The following ZMIZ1 variants were observed in gnomAD, a reference collection of about 807,000 sequenced individuals.
The protein encoded by ZMIZ1 is zinc finger MIZ domain-containing protein 1.
In ZMIZ1, 17 loss-of-function variants were observed where a neutral mutation model predicts 113.9. The observed-to-expected ratio is 0.15, with a 90% CI of 0.10 to 0.22. The LOEUF (loss-of-function observed/expected upper bound fraction) is 0.22. Among genes scored for constraint, ZMIZ1 ranks in the 10% least tolerant of loss-of-function variants. The pLI, the probability that ZMIZ1 is intolerant of heterozygous loss-of-function variation, is 1.00. For missense variants in ZMIZ1, 1,059 were observed against 1,477.8 expected (o/e 0.72, Z 4.65); for synonymous variants, 607 against 603.1 (o/e 1.01, Z -0.09).
chr10:79,090,413 C>CTTG (rs1842950769), intron 1 of ZMIZ1, among the ~76,000 whole-genome samples: 1 of 152,160 alleles, frequency 6.6e-6, no homozygotes, highest in Admixed American at 6.5e-5. Context: ...AGGAGACATA[C>CTTG]TTGGAGGGAG....
At chr10:79,206,811 T>C (rs1246810790) in intron 5 of ZMIZ1, among the ~76,000 whole-genome samples, 27 of 152,210 alleles carry the variant, frequency 1.8e-4, no homozygotes, top group Admixed American at 1.8e-3. Flanking sequence ...TGGAGGGCTT[T>C]GTTGCTGCTT....
chr10:79,302,322 C>A, intron 18 of ZMIZ1, 110 bp downstream of exon 18: 1 of 1,103,174 alleles, frequency 9.1e-7, no homozygotes, highest in Non-Finnish European at 1.3e-6. Flanking sequence ...CCGTGCATGT[C>A]ACCACCGGGC....
At chr10:79,120,881 T>C (rs985363102) in intron 2 of ZMIZ1, among the ~76,000 whole-genome samples, 1 of 152,166 alleles carries the variant, frequency 6.6e-6, no homozygotes, top group Non-Finnish European at 1.5e-5. Context: ...GTCTGTGTCA[T>C]CCCTGCTCCC....
chr10:79,096,511 C>CA (rs570408831), intron 1 of ZMIZ1, among the ~76,000 whole-genome samples: 4 of 150,158 alleles, frequency 2.7e-5, no homozygotes, highest in Non-Finnish European at 4.5e-5. Flanking sequence ...GACTCCGTCT[C>CA]AAAAGAAAAG....
At chr10:79,293,299 T>C (rs560324063) in intron 11 of ZMIZ1, 82 bp from the exon 12 acceptor site, 3 of 972,888 alleles carry the variant, frequency 3.1e-6, no homozygotes, top group Admixed American at 5.2e-5. Context: ...TCCCCAACCC[T>C]TCCCTCCCTG....
intron 5 of ZMIZ1, 65 bp downstream of exon 5, chr10:79,201,757 T>C: frequency 1.3e-6 from 2 of 1,575,264 alleles, no homozygotes; most frequent in South Asian, 1.1e-5. Flanking sequence ...CAGCAGGGCA[T>C]CTGGTGGGTT....
At chr10:79,096,902 T>C (rs1843186645) in intron 1 of ZMIZ1, among the ~76,000 whole-genome samples, 1 of 148,824 alleles carries the variant, frequency 6.7e-6, no homozygotes, top group African/African-American at 2.5e-5. Flanking sequence ...CAGAGGTGAG[T>C]GTGGGGGCCT....
chr10:79,231,550 G>A (rs1336037995), intron 7 of ZMIZ1, among the ~76,000 whole-genome samples: 1 of 151,794 alleles, frequency 6.6e-6, no homozygotes, highest in Non-Finnish European at 1.5e-5. Context: ...AGCCTAGGAA[G>A]CCTGGTGGGG....
At chr10:79,247,622 A>AC (rs1023972320) in intron 7 of ZMIZ1, among the ~76,000 whole-genome samples, 7 of 151,752 alleles carry the variant, frequency 4.6e-5, no homozygotes, top group Admixed American at 2.0e-4. Context: ...AACTGCTCCC[A>AC]CCCCCCGTAG....
intron 4 of ZMIZ1, among the ~76,000 whole-genome samples, chr10:79,175,156 T>C (rs1273485140): frequency 6.6e-6 from 1 of 152,158 alleles, no homozygotes; most frequent in Admixed American, 6.5e-5. Flanking sequence ...AGCACCCAGA[T>C]AGGGAGGGAG....
chr10:79,187,057 G>C (rs1308953053), intron 4 of ZMIZ1, among the ~76,000 whole-genome samples: 1 of 152,238 alleles, frequency 6.6e-6, no homozygotes, highest in Non-Finnish European at 1.5e-5. Flanking sequence ...AGGTAGGTTG[G>C]TACTGTTTGT....
chr10:79,198,254 AAAAC>A (rs56333846), intron 4 of ZMIZ1, among the ~76,000 whole-genome samples: 12 of 152,134 alleles, frequency 7.9e-5, no homozygotes, highest in South Asian at 6.2e-4. Context: ...CTCTGTCTCA[AAAAC>A]AAACAAACAA....
At chr10:79,289,662 G>C (rs1020640364) in intron 8 of ZMIZ1, 113 bp from the exon 9 acceptor site, 1 of 937,646 alleles carries the variant, frequency 1.1e-6, no homozygotes. Context: ...ACTCGGATGG[G>C]GGTTACCTTG....
At chr10:79,240,178 G>A (rs1024427713) in intron 7 of ZMIZ1, among the ~76,000 whole-genome samples, 2 of 152,158 alleles carry the variant, frequency 1.3e-5, no homozygotes, top group African/African-American at 2.4e-5. Context: ...GCTGCAGCTC[G>A]CCCTTTCTTC....
chr10:79,273,724 A>G (rs1046943991), intron 7 of ZMIZ1, among the ~76,000 whole-genome samples: 4 of 152,222 alleles, frequency 2.6e-5, no homozygotes, highest in African/African-American at 9.6e-5. Context: ...GAAGGGGCCC[A>G]AAAAGTTTGC....
In ZMIZ1 at chr10:79,312,769, A is replaced by T; in HGVS notation, c.*20A>T. ...AACTGAGGGCCACCCGGTCGGGGCC[A>T]TCCCTCCACACTCTGCATCCTACCC... On this transcript the variant is annotated 3_prime_UTR_variant, in exon 25 of 25. Coordinates refer to ENST00000334512, the MANE Select transcript of ZMIZ1 (RefSeq NM_020338.4). The T allele has an allele frequency of 1.2e-6, 2 of 1,607,532 alleles. No homozygotes were observed. The highest frequency in any genetic ancestry group is 1.7e-6 in the Non-Finnish European group (2 of 1,174,006).
chr10:79,304,205 C>T (rs767219609), intron 19 of ZMIZ1, 30 bp downstream of exon 19: 2 of 1,601,610 alleles, frequency 1.2e-6, no homozygotes, highest in East Asian at 2.2e-5. Context: ...ACAGCTCTGG[C>T]AAGCCACCTA....
chr10:79,171,891 T>C (rs956724901), intron 4 of ZMIZ1, among the ~76,000 whole-genome samples: 10 of 152,146 alleles, frequency 6.6e-5, no homozygotes, highest in Admixed American at 5.9e-4. Flanking sequence ...AGCCATGCTA[T>C]TGAGGCAGCC....
intron 7 of ZMIZ1, among the ~76,000 whole-genome samples, chr10:79,259,273 C>T (rs994720054): frequency 3.3e-5 from 5 of 152,210 alleles, no homozygotes; most frequent in South Asian, 2.1e-4. Context: ...GTCTTAAAGC[C>T]TCTGGTTTTT....
Sources: gnomAD v4.1 joint callset for allele counts (sites outside exome capture counted in the v4.1 genomes callset) on GRCh38, gnomAD v4.1.1 for gene constraint, MANE v1.5 for transcripts, NCBI Gene and HGNC (gene_info 2026-07-23, HGNC 2026-07-21) for gene names.